The following PRUNE2 variants were observed in gnomAD, a reference collection of about 807,000 sequenced individuals.
PRUNE2 encodes protein prune homolog 2.
In PRUNE2, 164 loss-of-function variants were observed where a neutral mutation model predicts 252.0. That is an observed-to-expected ratio of 0.65 (90% CI 0.57 to 0.74). The LOEUF is 0.74. Among genes scored for constraint, PRUNE2 ranks in the 30% least tolerant of loss-of-function variants. The pLI is 0.00. For missense variants in PRUNE2, 3,495 were observed against 3,711.0 expected, an observed-to-expected ratio of 0.94 and a Z score of 1.51; for synonymous variants, 1,292 against 1,350.2, an observed-to-expected ratio of 0.96 and a Z score of 0.94.
intron 6 of PRUNE2, among the ~76,000 whole-genome samples, chr9:76,822,485 A>C (rs2058089403): frequency 6.6e-6 from 1 of 152,204 alleles, no homozygotes; most frequent in South Asian, 2.1e-4. Flanking sequence ...AGAAATATAC[A>C]CATTGATATA....
In PRUNE2 at chr9:76,836,933, G is replaced by A. The variant is rs142054846; in HGVS notation, c.508+9582C>T. 7.9e-5 allele frequency among the ~76,000 whole-genome samples: 12 copies of A among 152,168 alleles called. No homozygotes were observed. The East Asian group carries it at 1.9e-3, about 24-fold the overall frequency. On this transcript the variant is annotated intron_variant, in intron 4 of 18. Coordinates refer to ENST00000376718, the MANE Select transcript of PRUNE2 (RefSeq NM_015225.3). ...ACAAATGATCTTTTTAACGACATCC[G>A]TAATAATCAAGTTCTACCTCAATGT... is the stretch of plus-strand genomic sequence containing the variant.
intron 6 of PRUNE2, among the ~76,000 whole-genome samples, chr9:76,816,610 G>A (rs192724752): frequency 1.3e-5 from 2 of 152,262 alleles, no homozygotes; most frequent in Admixed American, 1.3e-4. Flanking sequence ...TTTGCTTTAA[G>A]TGCTTTTGGA....
intron 15 of PRUNE2, among the ~76,000 whole-genome samples, chr9:76,634,462 A>G (rs961730738): frequency 6.9e-6 from 1 of 144,910 alleles, no homozygotes; most frequent in South Asian, 2.2e-4. Flanking sequence ...ATTTTTGCAA[A>G]GACTAGCTGA....
At chr9:76,820,639 A>G (rs1195764631) in intron 6 of PRUNE2, among the ~76,000 whole-genome samples, 1 of 152,216 alleles carries the variant, frequency 6.6e-6, no homozygotes, top group South Asian at 2.1e-4. Flanking sequence ...TGCAGAACCT[A>G]TAGTTGATTT....
chr9:76,682,761 G>A (rs922851383), intron 9 of PRUNE2, among the ~76,000 whole-genome samples: 8 of 152,098 alleles, frequency 5.3e-5, no homozygotes, highest in African/African-American at 1.4e-4. Flanking sequence ...AATATAATTT[G>A]TAAAGATCAA....
rs745345183 is a variant in PRUNE2 at position 76,655,490 on chromosome 9, C to T, written c.8289G>A (p.Glu2763=). 1.2e-5 allele frequency: 20 copies of T among 1,612,334 alleles called. No individual in the cohort carries two copies. The highest frequency in any genetic ancestry group is 1.5e-5 in the Non-Finnish European group (18 of 1,179,214). The change falls in exon 10 of 19, where the codon GAG becomes GAA. Residue 2763 remains glutamate (E), a synonymous_variant. Coordinates refer to ENST00000376718, the MANE Select transcript of PRUNE2 (RefSeq NM_015225.3). ...RISRPNGLLS[E]DVGMDIPFEE... The stretch of plus-strand genomic sequence containing the variant: ...CAAAGGGGATGTCCATTCCTACATC[C>T]TCTGACAGTAGTCTGCAAAAAAAGC...
At chr9:76,824,130 T>C (rs2058205502) in intron 5 of PRUNE2, among the ~76,000 whole-genome samples, 1 of 152,176 alleles carries the variant, frequency 6.6e-6, no homozygotes, top group Non-Finnish European at 1.5e-5. Flanking sequence ...GAAGATCCAC[T>C]ACAGTCTCAT....
intron 8 of PRUNE2, 62 bp from the exon 9 acceptor site, chr9:76,704,161 T>C: frequency 9.1e-7 from 1 of 1,097,528 alleles, no homozygotes; most frequent in East Asian, 2.4e-5. Flanking sequence ...ATTGTGTGAT[T>C]TGTGATCCTT....
intron 2 of PRUNE2, among the ~76,000 whole-genome samples, chr9:76,852,806 G>GTCTATCTA (rs71354689): frequency 0.037 from 2,834 of 76,482 alleles, 23 homozygotes; most frequent in Non-Finnish European, 0.043. Context: ...CTGTCTGTCT[G>GTCTATCTA]TCTATCTATC....
chr9:76,660,781 C>CAAAAAAAAAAAAAAAAAA (rs11432174), intron 9 of PRUNE2, among the ~76,000 whole-genome samples: 2 of 101,040 alleles, frequency 2.0e-5, no homozygotes, highest in Non-Finnish European at 1.9e-5. Context: ...GACTCTGAAT[C>CAAAAAAAAAAAAAAAAAA]AAAAAAAAAA....
At chr9:76,629,629 A>G (rs1264685146) in intron 15 of PRUNE2, among the ~76,000 whole-genome samples, 1 of 149,044 alleles carries the variant, frequency 6.7e-6, no homozygotes, top group Non-Finnish European at 1.5e-5. Context: ...CTTAAAATCT[A>G]CTCTCTTAGC....
chr9:76,710,125 C>G lies in PRUNE2; in HGVS notation c.2149G>C (p.Glu717Gln). 6.2e-7 allele frequency: 1 copy of G among 1,613,936 alleles called. No homozygotes were observed. The highest frequency in any genetic ancestry group is 8.5e-7 in the Non-Finnish European group (1 of 1,179,878). Residue 717 changes from glutamate to glutamine, a missense_variant, in exon 8 of 19, where the codon GAG becomes CAG. Glu to Gln is a conservative substitution (Grantham distance 29, BLOSUM62 2). Coordinates refer to ENST00000376718, the MANE Select transcript of PRUNE2 (RefSeq NM_015225.3). ...AGTTCAGGCTGACCAAATTCAGACT[C>G]CCAGGGACCTGACTTTGTAAATTCG... ...SLEFTKSGPW[E>Q]SEFGQPELGS...
Position 76,709,318 on chromosome 9 carries a change from C to T in PRUNE2, c.2956G>A (p.Glu986Lys). 2 of 1,613,962 alleles carry T rather than the reference C, an allele frequency of 1.2e-6. No homozygotes were observed. The highest frequency in any genetic ancestry group is 1.7e-6 in the Non-Finnish European group (2 of 1,179,870). ...TCCTCTTTAGCAAATGGCTTGTGTT[C>T]AGTTTCCTTTTCGTCTCCAGCAAAT... Reference protein sequence around the residue: ...PTFAGDEKETEHKPFAKEEGF... With the variant: ...PTFAGDEKETKHKPFAKEEGF... Residue 986 changes from glutamate to lysine, a missense_variant, in exon 8 of 19, where the codon GAA (glutamate) becomes AAA (lysine). Glu to Lys is a moderately conservative substitution (Grantham distance 56). Coordinates refer to ENST00000376718, the MANE Select transcript of PRUNE2 (RefSeq NM_015225.3).
intron 4 of PRUNE2, among the ~76,000 whole-genome samples, chr9:76,842,649 C>T (rs2059454390): frequency 1.3e-5 from 2 of 152,140 alleles, no homozygotes; most frequent in South Asian, 4.1e-4. Context: ...ATAAAACAAA[C>T]AACCCCAACA....
chr9:76,752,841 C>T (rs901268882), intron 6 of PRUNE2, among the ~76,000 whole-genome samples: 1 of 152,040 alleles, frequency 6.6e-6, no homozygotes, highest in Non-Finnish European at 1.5e-5. Flanking sequence ...ACTCCAGAGC[C>T]CAAGTTCTAC....
intron 1 of PRUNE2, among the ~76,000 whole-genome samples, chr9:76,855,316 T>G (rs554295949): frequency 6.6e-6 from 1 of 152,002 alleles, no homozygotes; most frequent in Non-Finnish European, 1.5e-5. Context: ...GTACATACTT[T>G]CCCCACTTTT....
At chr9:76,798,959 A>G (rs988206719) in intron 6 of PRUNE2, among the ~76,000 whole-genome samples, 7 of 152,222 alleles carry the variant, frequency 4.6e-5, no homozygotes, top group Non-Finnish European at 1.0e-4. Flanking sequence ...ATAACTTTGG[A>G]AAAGAACTTT....
intron 6 of PRUNE2, among the ~76,000 whole-genome samples, chr9:76,754,444 G>A (rs932331944): frequency 2.0e-5 from 3 of 152,204 alleles, no homozygotes; most frequent in African/African-American, 2.4e-5. Flanking sequence ...ATCCATGAAC[G>A]TCCCTTTTTA....
intron 6 of PRUNE2, among the ~76,000 whole-genome samples, chr9:76,755,256 A>G (rs543964277): frequency 1.1e-3 from 175 of 152,182 alleles, no homozygotes; most frequent in Non-Finnish European, 1.9e-3. Context: ...CGTTCACACC[A>G]TATCTTTGAT....
Sources: allele counts gnomAD v4.1 joint callset (sites outside exome capture counted in the v4.1 genomes callset), GRCh38; gene constraint gnomAD v4.1.1; transcripts MANE v1.5; gene names NCBI Gene and HGNC (gene_info 2026-07-23, HGNC 2026-07-21).